The following ORC3 variants were observed in gnomAD, a reference collection of about 807,000 sequenced individuals.
ORC3 encodes homolog of latheo, Drosophila.
A neutral mutation model predicts 100.7 loss-of-function variants in ORC3; 78 were observed. The observed-to-expected ratio is 0.77, with a 90% CI of 0.65 to 0.94. ORC3 has a LOEUF of 0.94. Among genes scored for constraint, ORC3 ranks in the 40% least tolerant of loss-of-function variants. ORC3 has a pLI of 0.00. For missense variants in ORC3, 789 were observed against 823.9 expected (o/e 0.96, Z 0.52); for synonymous variants, 295 against 289.3 (o/e 1.02, Z -0.20).
At chr6:87,661,947 A>G (rs1442624830) in intron 16 of ORC3, among the ~76,000 whole-genome samples, 1 of 152,168 alleles carries the variant, frequency 6.6e-6, no homozygotes, top group Non-Finnish European at 1.5e-5. Context: ...CAAATTTTTA[A>G]TGCCATATTT....
intron 1 of ORC3, among the ~76,000 whole-genome samples, chr6:87,592,655 G>T (rs552628592): frequency 2.6e-5 from 4 of 151,988 alleles, no homozygotes; most frequent in Non-Finnish European, 5.9e-5. Context: ...AGAATCTAAG[G>T]CACAGTTCTT....
chr6:87,666,938 A>G, intron 19 of ORC3, 80 bp from the exon 20 acceptor site: 1 of 761,728 alleles, frequency 1.3e-6, no homozygotes, highest in Admixed American at 2.5e-5. Context: ...CATTTTACCA[A>G]CTAGTATTTT....
At position 87,605,636 on chromosome 6, in the gene ORC3, C is replaced by T. The variant is rs146981869; in HGVS notation, c.323-281C>T. Among the ~76,000 whole-genome samples the T allele has an allele frequency of 6.5e-3, 965 of 149,406 alleles. 12 individuals are homozygous for T. Among genetic ancestry groups the T allele is most frequent in the East Asian group, 0.012 (60 of 5,112 alleles). On this transcript the variant is annotated intron_variant, in intron 4 of 19. Transcript: ENST00000392844. Reference sequence around the variant, plus strand: ...CTGCACTCCAGCCTGGATGACAGAGCGAGATTCTGTCTCAAAAAAAAAAAA... The same window carrying T: ...CTGCACTCCAGCCTGGATGACAGAGTGAGATTCTGTCTCAAAAAAAAAAAA...
At chr6:87,637,498 C>CA (rs1455521057) in intron 13 of ORC3, among the ~76,000 whole-genome samples, 2 of 151,918 alleles carry the variant, frequency 1.3e-5, no homozygotes, top group Non-Finnish European at 2.9e-5. Flanking sequence ...ATAAGGAAAC[C>CA]AAAAAATCCC....
intron 2 of ORC3, 47 bp from the exon 3 acceptor site, chr6:87,601,737 T>C (rs1426273148): frequency 1.9e-5 from 21 of 1,082,524 alleles, no homozygotes; most frequent in Non-Finnish European, 2.7e-5. Context: ...CTATAACTTA[T>C]ACTATTATAT....
At chr6:87,639,951 C>G (rs924169969) in intron 13 of ORC3, among the ~76,000 whole-genome samples, 4 of 151,658 alleles carry the variant, frequency 2.6e-5, no homozygotes, top group African/African-American at 7.3e-5. Context: ...GAGCTGAGAT[C>G]GCACCACTTC....
chr6:87,600,913 T>C (rs551678934), intron 2 of ORC3, among the ~76,000 whole-genome samples: 175 of 152,354 alleles, frequency 1.1e-3, no homozygotes, highest in African/African-American at 4.0e-3. Context: ...ATATAAAGTG[T>C]ATTCCTTAAT....
chr6:87,662,892 T>TA, intron 16 of ORC3, 111 bp from the exon 17 acceptor site: 1 of 565,758 alleles, frequency 1.8e-6, no homozygotes, highest in Non-Finnish European at 2.6e-6. Context: ...ACAAAAATGT[T>TA]ATAGTGAAAA....
intron 13 of ORC3, among the ~76,000 whole-genome samples, chr6:87,637,079 T>TTA (rs1171286399): frequency 6.6e-6 from 1 of 152,234 alleles, no homozygotes; most frequent in Non-Finnish European, 1.5e-5. Context: ...TAGTTACTTT[T>TTA]TAGTCTTCCA....
chr6:87,629,456 T>C (rs1780151586), intron 11 of ORC3, among the ~76,000 whole-genome samples: 1 of 152,246 alleles, frequency 6.6e-6, no homozygotes, highest in African/African-American at 2.4e-5. Context: ...CTAGCCTTTT[T>C]TTCTTTACCT....
At chr6:87,611,779 C>G (rs1273831549) in intron 7 of ORC3, among the ~76,000 whole-genome samples, 1 of 148,034 alleles carries the variant, frequency 6.8e-6, no homozygotes, top group African/African-American at 2.5e-5. Context: ...AGGACTCCAT[C>G]TGAAAAAAAA....
intron 7 of ORC3, among the ~76,000 whole-genome samples, chr6:87,610,625 C>T (rs1211094472): frequency 7.3e-6 from 1 of 137,716 alleles, no homozygotes; most frequent in East Asian, 2.0e-4. Flanking sequence ...GCAATCTCGG[C>T]TCACTGCAAG....
At chr6:87,624,507 G>A (rs756484796) in intron 11 of ORC3, among the ~76,000 whole-genome samples, 2 of 151,970 alleles carry the variant, frequency 1.3e-5, no homozygotes, top group Non-Finnish European at 2.9e-5. Context: ...ACAAAAGAAT[G>A]TGTCTTGATT....
chr6:87,594,186 C>T (rs1028313145), intron 1 of ORC3, among the ~76,000 whole-genome samples, 167 bp from the exon 2 acceptor site: 8 of 152,158 alleles, frequency 5.3e-5, no homozygotes, highest in South Asian at 2.1e-4. Context: ...AATTTTCCTT[C>T]TATAGGTCAG....
chr6:87,637,716 G>A (rs1478295983), intron 13 of ORC3, among the ~76,000 whole-genome samples: 1 of 152,020 alleles, frequency 6.6e-6, no homozygotes, highest in Non-Finnish European at 1.5e-5. Flanking sequence ...TGTTCTTTTT[G>A]TTCTGAACCT....
chr6:87,636,154 G>A (rs1181966992), intron 12 of ORC3, among the ~76,000 whole-genome samples: 3 of 151,834 alleles, frequency 2.0e-5, no homozygotes, highest in African/African-American at 7.3e-5. Context: ...GGATGGTCTC[G>A]ATCTTCTGAC....
chr6:87,654,132 T>C (rs1335402785), intron 14 of ORC3, among the ~76,000 whole-genome samples: 1 of 152,198 alleles, frequency 6.6e-6, no homozygotes. Context: ...GTTGAAAATA[T>C]CTTATTTAAA....
chr6:87,616,349 T>C lies in ORC3; in HGVS notation c.909T>C (p.Asn303=). 1.3e-6 allele frequency: 2 copies of C among 1,526,998 alleles called. No homozygotes were observed. The highest frequency in any genetic ancestry group is 1.8e-6 in the Non-Finnish European group (2 of 1,101,750). The allele number at this position is 1,526,998 out of a possible 1,614,324, so 94.6% of individuals were successfully genotyped here. The part of the protein sequence containing the change: ...LLTTQFPFKI[N]EKVLQVLTNI... Reference sequence around the variant, plus strand: ...CAACTCAGTTTCCCTTTAAAATAAATGAAAAAGTATTACAGGTTCTGACCA... The same window carrying C: ...CAACTCAGTTTCCCTTTAAAATAAACGAAAAAGTATTACAGGTTCTGACCA... Residue 303 remains asparagine (N), a synonymous_variant, in exon 9 of 20, where the codon AAT becomes AAC. Coordinates refer to ENST00000392844, the MANE Select transcript of ORC3 (RefSeq NM_012381.4).
At chr6:87,671,989 T>TA (rs1277679875), downstream of ORC3, among the ~76,000 whole-genome samples, 2 of 152,096 alleles carry the variant, frequency 1.3e-5, no homozygotes, top group African/African-American at 2.4e-5. Flanking sequence ...TATCAGAAGT[T>TA]AAAATTAATG....
Sources: allele counts gnomAD v4.1 joint callset (sites outside exome capture counted in the v4.1 genomes callset), GRCh38; gene constraint gnomAD v4.1.1; transcripts MANE v1.5; gene names NCBI Gene and HGNC (gene_info 2026-07-23, HGNC 2026-07-21).